The following FBN3 variants were observed in gnomAD, a reference collection of about 807,000 sequenced individuals.
FBN3 encodes the protein fibrillin 3.
A neutral mutation model predicts 330.1 loss-of-function variants in FBN3; 234 were observed. The ratio of observed to expected loss-of-function variants is 0.71; its 90% CI spans 0.64 to 0.79. FBN3 has a LOEUF of 0.79. FBN3 is among the 30% of genes least tolerant of loss of function. FBN3 has a pLI of 0.00. For synonymous variants in FBN3, 1,458 were observed against 1,517.3 expected (o/e 0.96, Z 0.91); for missense variants, 3,606 against 3,886.9 (o/e 0.93, Z 1.92).
At chr19:8,100,352 A>C (rs2082300773) in intron 41 of FBN3, among the ~76,000 whole-genome samples, 2 of 140,984 alleles carry the variant, frequency 1.4e-5, no homozygotes, top group Admixed American at 7.0e-5. Flanking sequence ...TCTCGGAGAC[A>C]AAAAAAAAAA....
chr19:8,107,071 T>C (rs1306448765), intron 37 of FBN3, among the ~76,000 whole-genome samples: 2 of 143,188 alleles, frequency 1.4e-5, no homozygotes, highest in African/African-American at 2.6e-5. Flanking sequence ...GGATGAGTGA[T>C]GAATGGATGA....
At chr19:8,138,650 T>G (rs914883966) in intron 8 of FBN3, 86 bp from the exon 9 acceptor site, 6 of 1,396,828 alleles carry the variant, frequency 4.3e-6, no homozygotes, top group Non-Finnish European at 5.8e-6. Flanking sequence ...CAGCACTGCC[T>G]GTAGGACGGG....
At chr19:8,126,642 G>A (rs1306172886) in intron 19 of FBN3, 37 bp from the exon 20 acceptor site, 11 of 1,601,234 alleles carry the variant, frequency 6.9e-6, no homozygotes, top group African/African-American at 4.0e-5. Flanking sequence ...CTCACCTGCC[G>A]GCCCTACACC....
intron 59 of FBN3, among the ~76,000 whole-genome samples, chr19:8,080,640 CAG>C (rs943834647): frequency 1.3e-5 from 2 of 152,060 alleles, no homozygotes; most frequent in Admixed American, 1.3e-4. Context: ...TTTTTTGAGA[CAG>C]AGTTTCGCTC....
intron 10 of FBN3, among the ~76,000 whole-genome samples, chr19:8,136,977 C>T (rs1358983752): frequency 7.4e-6 from 1 of 135,176 alleles, no homozygotes; most frequent in African/African-American, 2.9e-5. Context: ...GGGCCTGGAT[C>T]CCTCCAACCT....
intron 48 of FBN3, 55 bp downstream of exon 48, chr19:8,091,410 T>C (rs907141532): frequency 1.3e-5 from 20 of 1,596,620 alleles, no homozygotes; most frequent in Non-Finnish European, 1.6e-5. Context: ...CTGGGCAATC[T>C]GACCCTTCCC....
chr19:8,074,859 G>T, intron 61 of FBN3: 1 of 548,354 alleles, frequency 1.8e-6, no homozygotes, highest in Non-Finnish European at 3.1e-6. Flanking sequence ...AGGCCACCAT[G>T]CCCTAAGGAA....
intron 56 of FBN3, among the ~76,000 whole-genome samples, chr19:8,084,768 A>G (rs775518046): frequency 2.0e-5 from 3 of 151,342 alleles, no homozygotes; most frequent in African/African-American, 7.3e-5. Flanking sequence ...TTGTATTTTT[A>G]GTAGAGATGA....
chr19:8,144,862 G>C lies in FBN3; in HGVS notation c.541+15C>G, dbSNP rs146293900. On this transcript the variant is annotated intron_variant, in intron 6 of 63. Coordinates refer to ENST00000600128, the MANE Select transcript of FBN3 (RefSeq NM_032447.5). ...CGAGTCCCCTGTCTACCTCCCACCC[G>C]CGCATGCTTGGTACCTCTCTCACAT... is the stretch of plus-strand genomic sequence containing the variant. The C allele has an allele frequency of 6.3e-7, 1 of 1,581,880 alleles. No homozygotes were observed. The highest frequency in any genetic ancestry group is 1.2e-5 in the South Asian group (1 of 86,860).
At position 8,096,003 on chromosome 19, in the gene FBN3, A is replaced by G; in HGVS notation, c.5617T>C (p.Phe1873Leu). 6.8e-6 allele frequency: 11 copies of G among 1,613,908 alleles called. No individual in the cohort carries two copies. Among genetic ancestry groups the G allele is most frequent in the South Asian group, 1.1e-5 (1 of 91,082 alleles). The stretch of plus-strand genomic sequence containing the variant: ...TTGTGTGTCACCACAAAGCCAGGGA[A>G]GCAGAGGCAGTTGTAGGAGCCAATG... The part of the protein sequence containing the change: ...NIIGSYNCLC[F>L]PGFVVTHNGD... The change falls in exon 45 of 64, where the codon TTC (phenylalanine) becomes CTC (leucine). Residue 1873 changes from phenylalanine (F) to leucine (L), a missense_variant. By Grantham distance (22) the Phe-to-Leu change is conservative. Coordinates refer to ENST00000600128, the MANE Select transcript of FBN3 (RefSeq NM_032447.5). This position sits in a 1 kb window ranked among gnomAD's most constrained non-coding sequence, Gnocchi z 4.6.
At position 8,096,673 on chromosome 19, in the gene FBN3, A is replaced by G; in HGVS notation, c.5414-104T>C. The G allele has an allele frequency of 1.4e-6, 2 of 1,468,768 alleles. No individual in the cohort carries two copies. The highest frequency in any genetic ancestry group is 1.8e-6 in the Non-Finnish European group (2 of 1,095,372). 91.0% of individuals were successfully genotyped at this position (1,468,768 alleles called of 1,614,324 possible). ...GCCAGAATCTGCCTTGAAGTTCCCC[A>G]CTCAAACTTCCACCAGGGGCGTCAG... On this transcript the variant is annotated intron_variant, in intron 43 of 63. Coordinates refer to ENST00000600128, the MANE Select transcript of FBN3 (RefSeq NM_032447.5). This position sits in a 1 kb window ranked among gnomAD's most constrained non-coding sequence, Gnocchi z 4.6.
intron 61 of FBN3, among the ~76,000 whole-genome samples, chr19:8,073,938 T>A (rs1013999220): frequency 3.3e-5 from 5 of 152,272 alleles, no homozygotes; most frequent in Admixed American, 1.3e-4. Context: ...TACCTCAATA[T>A]CCCACAAGAG....
At chr19:8,132,840 C>T (rs529620459) in intron 14 of FBN3, 144 bp downstream of exon 14, 68 of 962,472 alleles carry the variant, frequency 7.1e-5, no homozygotes, top group Non-Finnish European at 9.4e-5. Context: ...TTTCCCTCCT[C>T]CTCCTCTTTT....
intron 59 of FBN3, among the ~76,000 whole-genome samples, chr19:8,080,220 C>T (rs768377525): frequency 6.6e-6 from 1 of 152,204 alleles, no homozygotes; most frequent in Non-Finnish European, 1.5e-5. Flanking sequence ...CTGCCTGGTA[C>T]ACAGTAGGTG....
chr19:8,097,459 C>T, intron 41 of FBN3, 45 bp from the exon 42 acceptor site: 2 of 1,559,540 alleles, frequency 1.3e-6, no homozygotes, highest in Non-Finnish European at 1.8e-6. Context: ...CCCCCTGGGA[C>T]TTCCAGCGAT....
At chr19:8,072,364 T>C (rs910146672) in intron 62 of FBN3, among the ~76,000 whole-genome samples, 166 bp from the exon 63 acceptor site, 2 of 152,198 alleles carry the variant, frequency 1.3e-5, no homozygotes, top group African/African-American at 4.8e-5. Flanking sequence ...CGAGTGTGTG[T>C]GCACCACATA....
chr19:8,086,826 T>A (rs2081974073), intron 54 of FBN3, among the ~76,000 whole-genome samples: 2 of 151,394 alleles, frequency 1.3e-5, no homozygotes, highest in African/African-American at 4.9e-5. Context: ...CAGGCTGGAG[T>A]GCAGCGGCAC....
chr19:8,134,796 C>T (rs1293078132), intron 13 of FBN3, among the ~76,000 whole-genome samples: 3 of 151,506 alleles, frequency 2.0e-5, no homozygotes, highest in East Asian at 3.9e-4. Flanking sequence ...TAGCCGGGCA[C>T]AGTGGCGCAC....
At chr19:8,127,672 G>A (rs781551377) in intron 18 of FBN3, among the ~76,000 whole-genome samples, 3 of 152,122 alleles carry the variant, frequency 2.0e-5, no homozygotes, top group East Asian at 1.9e-4. Flanking sequence ...CTTAACTTAC[G>A]TTTACTAGTT....
Sources: gnomAD v4.1 joint callset for allele counts (sites outside exome capture counted in the v4.1 genomes callset) on GRCh38, gnomAD v4.1.1 for gene constraint, Gnocchi (gnomAD v3.1) non-coding constraint, MANE v1.5 for transcripts, NCBI Gene and HGNC (gene_info 2026-07-23, HGNC 2026-07-21) for gene names.